Variants in SYT2 observed in about 807,000 individuals in gnomAD.
SYT2 encodes synaptotagmin-2.
Under a neutral mutation model 39.9 loss-of-function variants are expected in SYT2, and 15 were observed. The ratio of observed to expected loss-of-function variants is 0.38; its 90% confidence interval spans 0.25 to 0.58. The LOEUF (loss-of-function observed/expected upper bound fraction) is 0.58. Among genes scored for constraint, SYT2 ranks in the 20% least tolerant of loss-of-function variants. SYT2 has a pLI of 0.70. For missense variants in SYT2, 389 were observed against 530.3 expected, an observed-to-expected ratio of 0.73 and a Z score of 2.62; for synonymous variants, 181 against 204.5, an observed-to-expected ratio of 0.89 and a Z score of 0.98.
At chr1:202,625,117 T>C (rs115863399) in intron 1 of SYT2, among the ~76,000 whole-genome samples, 522 of 1,476 alleles carry the variant, frequency 0.35, 246 homozygotes, top group South Asian at 0.53. Context: ...GTGTGTGTGG[T>C]ATGTGTGTCG....
chr1:202,657,214 G>A (rs535553999), intron 1 of SYT2, among the ~76,000 whole-genome samples: 1 of 152,254 alleles, frequency 6.6e-6, no homozygotes, highest in South Asian at 2.1e-4. Context: ...TTTTCATCAG[G>A]TCCAGTCTCT....
In SYT2 at chr1:202,605,798, GA is replaced by G; in HGVS notation, c.-17-10del. 1 of 1,609,520 alleles carries G rather than the reference GA, an allele frequency of 6.2e-7. No homozygotes were observed. Among genetic ancestry groups the G allele is most frequent in the East Asian group, 2.2e-5 (1 of 44,798 alleles). The stretch of plus-strand genomic sequence containing the variant: ...GGTGGCAGAGGAAACAGCTGGGGAC[GA>G]GAGGTGAAGAGGGCAGGGTGAGCAT... On this transcript the variant is annotated splice_polypyrimidine_tract_variant and intron_variant, in intron 1 of 8. Coordinates refer to ENST00000367268, the MANE Select transcript of SYT2 (RefSeq NM_177402.5).
intron 1 of SYT2, among the ~76,000 whole-genome samples, chr1:202,688,018 G>A (rs889683895): frequency 1.4e-4 from 22 of 152,184 alleles, no homozygotes; most frequent in Admixed American, 4.6e-4. Flanking sequence ...CCTGTGTCAT[G>A]CTGCAGCCCA....
intron 1 of SYT2, among the ~76,000 whole-genome samples, chr1:202,622,227 A>G (rs2362960): frequency 6.6e-6 from 1 of 152,236 alleles, no homozygotes; most frequent in Non-Finnish European, 1.5e-5. Flanking sequence ...TTTTGCACCA[A>G]TGCTTCAGTC....
chr1:202,702,610 A>T (rs1408825693), intron 1 of SYT2, among the ~76,000 whole-genome samples: 1 of 151,972 alleles, frequency 6.6e-6, no homozygotes, highest in Non-Finnish European at 1.5e-5. Flanking sequence ...CACTTAACCA[A>T]TAGGTTCTTG....
chr1:202,659,418 C>A (rs113288481), intron 1 of SYT2, among the ~76,000 whole-genome samples: 2,388 of 152,270 alleles, frequency 0.016, 40 homozygotes, highest in Non-Finnish European at 0.024. Flanking sequence ...CAGAGGGTTT[C>A]CCGGGACTCC....
chr1:202,618,766 T>C (rs1691120822), intron 1 of SYT2, among the ~76,000 whole-genome samples: 1 of 152,154 alleles, frequency 6.6e-6, no homozygotes, highest in African/African-American at 2.4e-5. Flanking sequence ...TTCGGTTGCA[T>C]TTCCATTTTC....
intron 1 of SYT2, among the ~76,000 whole-genome samples, chr1:202,702,584 C>T (rs1177930581): frequency 1.3e-5 from 2 of 152,218 alleles, no homozygotes; most frequent in Non-Finnish European, 2.9e-5. Flanking sequence ...GTCTGCTTCC[C>T]TCCAAGACCC....
At chr1:202,624,096 G>A (rs1025346228) in intron 1 of SYT2, among the ~76,000 whole-genome samples, 1 of 152,158 alleles carries the variant, frequency 6.6e-6, no homozygotes, top group African/African-American at 2.4e-5. Flanking sequence ...TGGCACGAAA[G>A]CAAAAGCCTT....
intron 1 of SYT2, among the ~76,000 whole-genome samples, chr1:202,668,275 AAG>A (rs1448210752): frequency 6.6e-6 from 1 of 152,250 alleles, no homozygotes; most frequent in African/African-American, 2.4e-5. Context: ...TAAACTGGTT[AAG>A]ACACATGTCT....
chr1:202,604,716 C>G, intron 2 of SYT2, 95 bp from the exon 3 acceptor site: 3 of 1,261,402 alleles, frequency 2.4e-6, no homozygotes, highest in Non-Finnish European at 2.2e-6. Flanking sequence ...AATATGACTG[C>G]CATCCCACAA....
At chr1:202,691,714 AGGGAGAGGGAGAGGG>A (rs1653826907) in intron 1 of SYT2, among the ~76,000 whole-genome samples, 1 of 50,402 alleles carries the variant, frequency 2.0e-5, no homozygotes, top group Non-Finnish European at 3.9e-5. Context: ...GGAGAGGGAG[AGGGAGAGGGAGAGGG>A]GGGGAGAGAG....
Position 202,596,487 on chromosome 1 carries a change from G to A in SYT2, c.*270C>T. ...GAGGCAGATGTGAAGCTTTGAAAGAGTCGAGGGAACTGTGACAGGGCATGC... is the reference window on the plus strand; with the variant it reads ...GAGGCAGATGTGAAGCTTTGAAAGAATCGAGGGAACTGTGACAGGGCATGC... On this transcript the variant is annotated 3_prime_UTR_variant, in exon 9 of 9. Transcript: ENST00000367268. 5.6e-6 allele frequency: 2 copies of A among 354,582 alleles called. No individual in the cohort carries two copies. Among genetic ancestry groups the A allele is most frequent in the South Asian group, 9.2e-5 (2 of 21,756 alleles). 22.0% of individuals were successfully genotyped at this position (354,582 alleles called of 1,614,324 possible).
chr1:202,624,515 CTGTG>C (rs995467496), intron 1 of SYT2, among the ~76,000 whole-genome samples: 6 of 128,876 alleles, frequency 4.7e-5, no homozygotes, highest in African/African-American at 1.3e-4. Context: ...TGGTGTGTGT[CTGTG>C]TGGTGTGTAG....
chr1:202,615,885 G>T (rs183729302), intron 1 of SYT2, among the ~76,000 whole-genome samples: 1 of 152,116 alleles, frequency 6.6e-6, no homozygotes, highest in African/African-American at 2.4e-5. Flanking sequence ...CAACTTGTTC[G>T]CAATTCCCCA....
At chr1:202,708,972 T>C (rs1321644433) in intron 1 of SYT2, among the ~76,000 whole-genome samples, 4 of 152,142 alleles carry the variant, frequency 2.6e-5, no homozygotes, top group Non-Finnish European at 4.4e-5. Flanking sequence ...TCCAGACAGA[T>C]TGGATGGAGG....
chr1:202,660,549 A>C (rs982882850), intron 1 of SYT2, among the ~76,000 whole-genome samples: 7 of 152,242 alleles, frequency 4.6e-5, no homozygotes, highest in Non-Finnish European at 8.8e-5. Context: ...GCCCAACTCC[A>C]GAGATTTTGA....
chr1:202,615,009 G>A (rs11802772), intron 1 of SYT2, among the ~76,000 whole-genome samples: 2,262 of 152,310 alleles, frequency 0.015, 51 homozygotes, highest in African/African-American at 0.052. Flanking sequence ...GCTGTCGTGA[G>A]TAAAAAGACT....
intron 1 of SYT2, among the ~76,000 whole-genome samples, chr1:202,699,704 G>A (rs190594143): frequency 2.0e-5 from 3 of 152,178 alleles, no homozygotes; most frequent in Admixed American, 2.0e-4. Context: ...CTTCAATAAA[G>A]CTCAGGCTTG....
Sources: allele counts gnomAD v4.1 joint callset (sites outside exome capture counted in the v4.1 genomes callset), GRCh38; gene constraint gnomAD v4.1.1; transcripts MANE v1.5; gene names NCBI Gene and HGNC (gene_info 2026-07-23, HGNC 2026-07-21).